Variants in KCNJ6 observed in about 807,000 individuals in gnomAD.
The protein encoded by KCNJ6 is G protein-activated inward rectifier potassium channel 2.
A neutral mutation model predicts 34.2 loss-of-function variants in KCNJ6; 9 were observed. The observed-to-expected ratio is 0.26, with a 90% confidence interval of 0.16 to 0.46. KCNJ6 has a LOEUF of 0.46. Ranked by LOEUF, KCNJ6 falls within the 20% of genes least tolerant of loss-of-function variation. The pLI is 1.00. For synonymous variants in KCNJ6, 196 were observed against 207.1 expected (o/e 0.95, Z 0.46); for missense variants, 236 against 531.3 (o/e 0.44, Z 5.46).
rs550906853 is a variant in KCNJ6 at position 37,680,911 on chromosome 21, T to A, written c.946+33300A>T. ...GAACCCAGACTACATACACACTGTA[T>A]AGAATGCAGCCACCATCACTGTGAC... On this transcript the variant is annotated intron_variant, in intron 3 of 3. Transcript: ENST00000609713. Among the ~76,000 whole-genome samples the A allele has an allele frequency of 7.2e-5, 11 of 152,374 alleles. No individual in the cohort carries two copies. In the South Asian group the frequency reaches 2.3e-3, roughly 32 times the overall value.
chr21:37,879,328 G>A (rs1601514051), intron 1 of KCNJ6, among the ~76,000 whole-genome samples: 1 of 152,150 alleles, frequency 6.6e-6, no homozygotes, highest in African/African-American at 2.4e-5. Flanking sequence ...AACAAAGGTG[G>A]GTTGCATTTA....
At chr21:37,827,360 A>G (rs1166433086) in intron 2 of KCNJ6, among the ~76,000 whole-genome samples, 1 of 152,208 alleles carries the variant, frequency 6.6e-6, no homozygotes, top group Non-Finnish European at 1.5e-5. Context: ...TCTGGCAACA[A>G]TGAGATTTCA....
intron 1 of KCNJ6, among the ~76,000 whole-genome samples, chr21:37,904,998 C>G (rs1253521850): frequency 6.6e-6 from 1 of 152,196 alleles, no homozygotes; most frequent in Non-Finnish European, 1.5e-5. Flanking sequence ...CCCAGCACCG[C>G]TATTTATTCA....
intron 3 of KCNJ6, among the ~76,000 whole-genome samples, chr21:37,694,918 A>G (rs995108821): frequency 3.3e-5 from 5 of 152,318 alleles, no homozygotes; most frequent in Admixed American, 6.5e-5. Context: ...GAAGGCCTTC[A>G]TGCTAGGAAG....
Position 37,619,325 on chromosome 21 carries a change from C to T in KCNJ6, c.*5834G>A, listed in dbSNP as rs922465967. 1.3e-5 allele frequency: 2 copies of T among 152,146 alleles called. No individual in the cohort carries two copies. Among genetic ancestry groups the T allele is most frequent in the African/African-American group, 2.4e-5 (1 of 41,432 alleles). 9.4% of individuals were successfully genotyped at this position (152,146 alleles called of 1,614,324 possible). A position where few individuals can be genotyped will look rare whatever the true frequency, so the allele number is the denominator to read the frequency against. ...TTAATATTGACTCATCTAAAAACCC[C>T]AAGGTCTGGACTTTTTCCATCCATT... On this transcript the variant is annotated 3_prime_UTR_variant, in exon 4 of 4. Transcript: ENST00000609713.
chr21:37,710,325 G>A (rs977344945), intron 3 of KCNJ6, among the ~76,000 whole-genome samples: 12 of 152,168 alleles, frequency 7.9e-5, no homozygotes, highest in Non-Finnish European at 1.2e-4. Context: ...GGCACATACC[G>A]AAATATTTGC....
intron 2 of KCNJ6, among the ~76,000 whole-genome samples, chr21:37,807,947 C>T (rs569886186): frequency 2.6e-5 from 4 of 152,094 alleles, no homozygotes; most frequent in South Asian, 4.1e-4. Flanking sequence ...AGATAGGGGG[C>T]GAGCATGTCC....
intron 3 of KCNJ6, among the ~76,000 whole-genome samples, chr21:37,681,566 G>C (rs1038036971): frequency 7.3e-6 from 1 of 137,292 alleles, no homozygotes; most frequent in African/African-American, 2.5e-5. Context: ...GTATGCACAT[G>C]CTTGTTGGTT....
intron 2 of KCNJ6, 136 bp downstream of exon 2, chr21:37,840,522 T>A: frequency 1.6e-6 from 1 of 614,056 alleles, no homozygotes; most frequent in Non-Finnish European, 2.9e-6. Context: ...TGATGCAGTG[T>A]GTGTGAAACA....
intron 2 of KCNJ6, among the ~76,000 whole-genome samples, chr21:37,730,444 C>A (rs774640345): frequency 6.6e-6 from 1 of 152,126 alleles, no homozygotes; most frequent in Non-Finnish European, 1.5e-5. Context: ...AATAATAAGA[C>A]CTACCTTGAA....
At chr21:37,734,622 G>A (rs1436449192) in intron 2 of KCNJ6, among the ~76,000 whole-genome samples, 1 of 152,048 alleles carries the variant, frequency 6.6e-6, no homozygotes, top group South Asian at 2.1e-4. Flanking sequence ...GAGCTGATAC[G>A]AGCTCACTGC....
intron 2 of KCNJ6, among the ~76,000 whole-genome samples, chr21:37,839,172 G>A (rs560024749): frequency 1.3e-5 from 2 of 152,250 alleles, no homozygotes; most frequent in East Asian, 3.9e-4. Context: ...CAACCAGTTT[G>A]GGGTTTTTCA....
chr21:37,651,343 C>T (rs1341365974), intron 3 of KCNJ6, among the ~76,000 whole-genome samples: 1 of 152,122 alleles, frequency 6.6e-6, no homozygotes, highest in Non-Finnish European at 1.5e-5. Flanking sequence ...ACCAGCCTTC[C>T]CTCTAAAAGC....
chr21:37,753,870 T>G (rs2055010042), intron 2 of KCNJ6, among the ~76,000 whole-genome samples: 2 of 152,216 alleles, frequency 1.3e-5, no homozygotes, highest in African/African-American at 4.8e-5. Flanking sequence ...CATCGGACAC[T>G]ATGCCTTTCA....
At chr21:37,775,302 C>T (rs557849155) in intron 2 of KCNJ6, among the ~76,000 whole-genome samples, 2 of 152,252 alleles carry the variant, frequency 1.3e-5, no homozygotes, top group South Asian at 4.1e-4. Context: ...CTGTAGGTTG[C>T]CTATTCACTC....
chr21:37,853,958 A>T (rs1011594304), intron 1 of KCNJ6, among the ~76,000 whole-genome samples: 1 of 150,734 alleles, frequency 6.6e-6, no homozygotes, highest in African/African-American at 2.4e-5. Context: ...AACACTATAG[A>T]TAAATCAAAG....
At chr21:37,782,998 C>T (rs949980989) in intron 2 of KCNJ6, among the ~76,000 whole-genome samples, 6 of 152,308 alleles carry the variant, frequency 3.9e-5, no homozygotes, top group East Asian at 3.9e-4. Flanking sequence ...TCCTGCCACC[C>T]GGCCCACCTC....
chr21:37,832,323 G>A (rs2055430009), intron 2 of KCNJ6, among the ~76,000 whole-genome samples: 1 of 151,632 alleles, frequency 6.6e-6, no homozygotes, highest in African/African-American at 2.4e-5. Context: ...AGTAGCTTTT[G>A]TCCCGGGGGA....
At chr21:37,681,138 C>T (rs1456839198) in intron 3 of KCNJ6, among the ~76,000 whole-genome samples, 1 of 99,972 alleles carries the variant, frequency 1.0e-5, no homozygotes, top group African/African-American at 4.2e-5. Flanking sequence ...GGAACCTGTC[C>T]ATTAGATGTC....
Sources: gnomAD v4.1 joint callset for allele counts (sites outside exome capture counted in the v4.1 genomes callset) on GRCh38, gnomAD v4.1.1 for gene constraint, MANE v1.5 for transcripts, NCBI Gene and HGNC (gene_info 2026-07-23, HGNC 2026-07-21) for gene names.